Variants in STK32B observed in about 807,000 individuals in gnomAD.
STK32B encodes the protein serine/threonine kinase 32B, also known as serine/threonine-protein kinase 32B.
STK32B carries 43 observed loss-of-function variants against 52.6 expected under a neutral mutation model. The observed-to-expected ratio is 0.82, with a 90% CI of 0.64 to 1.05. The LOEUF is 1.05. Among genes scored for constraint, STK32B ranks in the 50% least tolerant of loss-of-function variants. STK32B has a pLI of 0.00. For synonymous variants in STK32B, 238 were observed against 204.3 expected, an observed-to-expected ratio of 1.17 and a Z score of -1.41; for missense variants, 621 against 534.6, an observed-to-expected ratio of 1.16 and a Z score of -1.59.
intron 4 of STK32B, among the ~76,000 whole-genome samples, chr4:5,352,631 AC>A (rs34958273): frequency 6.3e-4 from 88 of 140,570 alleles, no homozygotes; most frequent in South Asian, 2.2e-3. Context: ...AAAAAAAAAA[AC>A]GTCCAAACTA....
intron 4 of STK32B, among the ~76,000 whole-genome samples, chr4:5,387,027 G>A (rs923168846): frequency 1.3e-5 from 2 of 152,204 alleles, no homozygotes; most frequent in East Asian, 1.9e-4. Flanking sequence ...GAGAGACCAC[G>A]TGATCGTGGC....
At chr4:5,376,602 T>C (rs1735604667) in intron 4 of STK32B, among the ~76,000 whole-genome samples, 1 of 152,050 alleles carries the variant, frequency 6.6e-6, no homozygotes. Context: ...GGCACACGGA[T>C]CCCTGGAAAC....
intron 3 of STK32B, among the ~76,000 whole-genome samples, chr4:5,293,484 A>G (rs893697462): frequency 3.9e-5 from 6 of 152,098 alleles, no homozygotes; most frequent in Non-Finnish European, 7.4e-5. Context: ...TTGCCGTTCT[A>G]ACAGGCATGA....
intron 4 of STK32B, among the ~76,000 whole-genome samples, chr4:5,333,247 T>C (rs1732398291): frequency 6.6e-6 from 1 of 152,262 alleles, no homozygotes; most frequent in Non-Finnish European, 1.5e-5. Flanking sequence ...TGATGGCCAG[T>C]GATGGTGAGC....
At chr4:5,215,897 C>A (rs1490644880) in intron 3 of STK32B, among the ~76,000 whole-genome samples, 1 of 152,154 alleles carries the variant, frequency 6.6e-6, no homozygotes, top group Non-Finnish European at 1.5e-5. Context: ...CAATTAGGTG[C>A]CTGTGGTGGT....
intron 3 of STK32B, among the ~76,000 whole-genome samples, chr4:5,228,822 A>G (rs964295400): frequency 6.6e-6 from 1 of 152,062 alleles, no homozygotes; most frequent in African/African-American, 2.4e-5. Flanking sequence ...CAAAAATTAG[A>G]TGGGCATGGT....
chr4:5,208,082 G>A (rs1260253731), intron 3 of STK32B, among the ~76,000 whole-genome samples: 1 of 152,116 alleles, frequency 6.6e-6, no homozygotes, highest in Non-Finnish European at 1.5e-5. Flanking sequence ...TTTCTTGTTG[G>A]ATATACTACA....
chr4:5,161,595 AAACT>A (rs1408210887), intron 2 of STK32B, among the ~76,000 whole-genome samples: 1 of 152,230 alleles, frequency 6.6e-6, no homozygotes, highest in Non-Finnish European at 1.5e-5. Flanking sequence ...AACCTCTAGC[AAACT>A]AACATCTCCT....
intron 4 of STK32B, among the ~76,000 whole-genome samples, chr4:5,364,709 A>C (rs2109003266): frequency 6.6e-6 from 1 of 152,250 alleles, no homozygotes; most frequent in Non-Finnish European, 1.5e-5. Flanking sequence ...GGATCCCCAA[A>C]GGAGCTAGAA....
intron 3 of STK32B, among the ~76,000 whole-genome samples, chr4:5,266,416 T>C (rs1180052048): frequency 2.0e-5 from 3 of 152,114 alleles, no homozygotes; most frequent in African/African-American, 7.2e-5. Flanking sequence ...TTAGGTCTGG[T>C]TTCAAAAACA....
the STK32B span, among the ~76,000 whole-genome samples, chr4:5,025,110 A>AG: frequency 2.7e-5 from 4 of 148,296 alleles, no homozygotes; most frequent in Middle Eastern, 3.2e-3. Context: ...CGAGTATGGG[A>AG]GGGGGGAATC....
At chr4:5,322,102 G>C (rs1731542798) in intron 3 of STK32B, among the ~76,000 whole-genome samples, 1 of 151,960 alleles carries the variant, frequency 6.6e-6, no homozygotes, top group South Asian at 2.1e-4. Flanking sequence ...GGGAGGCCAA[G>C]GCAAGAGGAT....
At position 5,378,995 on chromosome 4, in the gene STK32B, A is replaced by G. The variant is rs920833242; in HGVS notation, c.435-19212A>G. On this transcript the variant is annotated intron_variant, in intron 4 of 11. Transcript: ENST00000282908. The surrounding 1 kb of genome is among the most constrained non-coding windows in gnomAD (Gnocchi z 4.4). ...GAGAGGTCAGGCCCTGGCTGTGCTG[A>G]TGGTGAGCTCTGAAAGAGATTCCAG... Among the ~76,000 whole-genome samples the G allele has an allele frequency of 3.9e-5, 6 of 152,190 alleles. No homozygotes were observed. Among genetic ancestry groups the G allele is most frequent in the African/African-American group, 1.4e-4 (6 of 41,448 alleles).
At chr4:5,487,803 C>T (rs953081549) in intron 11 of STK32B, among the ~76,000 whole-genome samples, 1 of 152,076 alleles carries the variant, frequency 6.6e-6, no homozygotes, top group Non-Finnish European at 1.5e-5. Context: ...GTGGAAAACA[C>T]CCCCTTCTTA....
chr4:5,053,285 GCTTTTCCTGAT>G (rs1039854492), intron 1 of STK32B, among the ~76,000 whole-genome samples: 3 of 152,294 alleles, frequency 2.0e-5, no homozygotes, highest in African/African-American at 7.2e-5. Context: ...AGAGGCCCCA[GCTTTTCCTGAT>G]CTTTAGTCTG....
intron 3 of STK32B, among the ~76,000 whole-genome samples, chr4:5,206,394 C>G (rs1229427993): frequency 6.6e-6 from 1 of 152,150 alleles, no homozygotes; most frequent in Admixed American, 6.5e-5. Context: ...TCCCACTGCT[C>G]TGGAGAGCCT....
chr4:5,123,441 A>T (rs1391733500), intron 1 of STK32B, among the ~76,000 whole-genome samples: 1 of 152,124 alleles, frequency 6.6e-6, no homozygotes, highest in East Asian at 1.9e-4. Flanking sequence ...CAATGCTAGC[A>T]TCATTGTTAT....
At chr4:5,172,031 G>T (rs950451257) in intron 3 of STK32B, among the ~76,000 whole-genome samples, 2 of 152,020 alleles carry the variant, frequency 1.3e-5, no homozygotes, top group African/African-American at 4.8e-5. Context: ...CACATCCCTT[G>T]TAAGCTGGAT....
chr4:5,368,501 A>G (rs1333135893), intron 4 of STK32B, among the ~76,000 whole-genome samples: 1 of 152,098 alleles, frequency 6.6e-6, no homozygotes, highest in Non-Finnish European at 1.5e-5. Flanking sequence ...GTAACTCACT[A>G]ATCCTCACAA....
Sources: gnomAD v4.1 joint callset for allele counts (sites outside exome capture counted in the v4.1 genomes callset) on GRCh38, gnomAD v4.1.1 for gene constraint, Gnocchi (gnomAD v3.1) non-coding constraint, MANE v1.5 for transcripts, NCBI Gene and HGNC (gene_info 2026-07-23, HGNC 2026-07-21) for gene names.